The following SORCS2 variants were observed in gnomAD, a reference collection of about 807,000 sequenced individuals.
The protein encoded by SORCS2 is VPS10 domain-containing receptor SorCS2.
Under a neutral mutation model 141.6 loss-of-function variants are expected in SORCS2, and 100 were observed. The ratio of observed to expected loss-of-function variants is 0.71; its 90% CI spans 0.60 to 0.83. The LOEUF is 0.83. Among genes scored for constraint, SORCS2 ranks in the 40% least tolerant of loss-of-function variants. SORCS2 has a pLI of 0.00. For missense variants in SORCS2, 1,646 were observed against 1,560.2 expected (o/e 1.05, Z -0.93); for synonymous variants, 789 against 676.9 (o/e 1.17, Z -2.57).
chr4:7,412,389 A>T (rs2109157806), intron 2 of SORCS2, among the ~76,000 whole-genome samples: 1 of 152,278 alleles, frequency 6.6e-6, no homozygotes, highest in East Asian at 1.9e-4. Context: ...TTCTGAATTT[A>T]GCTTTCTGAC....
At chr4:7,588,210 C>T (rs1377144762) in intron 3 of SORCS2, among the ~76,000 whole-genome samples, 3 of 152,182 alleles carry the variant, frequency 2.0e-5, no homozygotes, top group Non-Finnish European at 2.9e-5. Context: ...GCCGCCAAAC[C>T]GCATTGAGAG....
intron 2 of SORCS2, among the ~76,000 whole-genome samples, chr4:7,472,784 T>TC (rs1730056479): frequency 6.6e-6 from 1 of 152,034 alleles, no homozygotes; most frequent in Admixed American, 6.6e-5. Context: ...TGTAATTGAC[T>TC]CCCCGCTGTG....
chr4:7,665,830 C>T lies in SORCS2; in HGVS notation c.1072-1294C>T, dbSNP rs140184695. Among the ~76,000 whole-genome samples, 181 of 152,326 alleles carry T rather than the reference C, an allele frequency of 1.2e-3. 2 individuals are homozygous for T. Among genetic ancestry groups the T allele is most frequent in the African/African-American group, 3.1e-3 (129 of 41,568 alleles). On this transcript the variant is annotated intron_variant, in intron 7 of 26. Transcript: ENST00000507866. ...TCTCCCATGTTGAGTGGTTTCTAAA[C>T]GTTAGACAGGCTCGCCTGTCAAAGC...
intron 17 of SORCS2, among the ~76,000 whole-genome samples, chr4:7,715,602 G>C (rs1726139699): frequency 1.3e-5 from 2 of 152,230 alleles, no homozygotes; most frequent in African/African-American, 4.8e-5. Context: ...AAGCTGCCTT[G>C]AGTTGGCTCT....
At chr4:7,328,337 G>A (rs949293760) in intron 1 of SORCS2, among the ~76,000 whole-genome samples, 5 of 151,906 alleles carry the variant, frequency 3.3e-5, no homozygotes, top group East Asian at 3.9e-4. Context: ...CACCCGGCCC[G>A]TGCTAGGCTT....
At chr4:7,730,212 A>G (rs922171916) in intron 23 of SORCS2, among the ~76,000 whole-genome samples, 4 of 152,192 alleles carry the variant, frequency 2.6e-5, no homozygotes, top group Admixed American at 1.3e-4. Context: ...AGGGGACTCA[A>G]AGATGAACCA....
In SORCS2 at chr4:7,689,516, T is replaced by G; in HGVS notation, c.1519T>G (p.Trp507Gly). ...CTGCCACCTGCACCTGCACCTGCGC[T>G]GGGCAGACAACCCCTACGTATCAGG... ...PDCHLHLHLR[W>G]ADNPYVSGTV... Residue 507 changes from tryptophan to glycine, a missense_variant, in exon 11 of 27, where the codon TGG (tryptophan) becomes GGG (glycine). Transcript: ENST00000507866. 1 of 1,606,094 alleles carries G rather than the reference T, an allele frequency of 6.2e-7. No individual in the cohort carries two copies. The highest frequency in any genetic ancestry group is 1.3e-5 in the African/African-American group (1 of 74,924).
At chr4:7,430,580 C>G (rs1302665068) in intron 2 of SORCS2, 1 of 152,066 alleles carries the variant, frequency 6.6e-6, no homozygotes, top group Non-Finnish European at 1.5e-5. Flanking sequence ...GGTGCAGGTA[C>G]TTGCTCGGCT....
chr4:7,516,751 G>A (rs1733008913), intron 2 of SORCS2, among the ~76,000 whole-genome samples: 1 of 152,164 alleles, frequency 6.6e-6, no homozygotes, highest in African/African-American at 2.4e-5. Context: ...AACCAGGAAG[G>A]GAGCCTCCCC....
chr4:7,675,682 T>C (rs1229055297), intron 8 of SORCS2, among the ~76,000 whole-genome samples: 2 of 152,132 alleles, frequency 1.3e-5, no homozygotes, highest in African/African-American at 2.4e-5. Context: ...CCTCACCCCC[T>C]GGAATCAACC....
At chr4:7,564,240 C>G (rs1714802808) in intron 3 of SORCS2, among the ~76,000 whole-genome samples, 1 of 152,188 alleles carries the variant, frequency 6.6e-6, no homozygotes. Flanking sequence ...AGTGGACATT[C>G]ATATTCTCTC....
intron 12 of SORCS2, among the ~76,000 whole-genome samples, chr4:7,698,134 T>C (rs1328384529): frequency 1.3e-5 from 2 of 152,220 alleles, no homozygotes; most frequent in Non-Finnish European, 1.5e-5. Context: ...GCTGTTTCTT[T>C]CCAGGGGGCG....
chr4:7,410,743 G>A (rs1725247635), intron 2 of SORCS2, among the ~76,000 whole-genome samples: 1 of 152,064 alleles, frequency 6.6e-6, no homozygotes, highest in Non-Finnish European at 1.5e-5. Flanking sequence ...TGAGAGAGAG[G>A]CCCTGACTGT....
chr4:7,380,893 C>T (rs182353246), intron 1 of SORCS2, among the ~76,000 whole-genome samples: 49 of 152,264 alleles, frequency 3.2e-4, no homozygotes, highest in East Asian at 1.2e-3. Context: ...GCCAGCCTGG[C>T]CAACACGGTG....
At chr4:7,271,819 C>G (rs375960832) in intron 1 of SORCS2, among the ~76,000 whole-genome samples, 55 of 152,294 alleles carry the variant, frequency 3.6e-4, no homozygotes, top group African/African-American at 1.2e-3. Context: ...TGCCGGGGCC[C>G]GAGACAGCAG....
At chr4:7,291,044 A>G (rs1236197362) in intron 1 of SORCS2, among the ~76,000 whole-genome samples, 5 of 152,172 alleles carry the variant, frequency 3.3e-5, no homozygotes, top group African/African-American at 1.2e-4. Flanking sequence ...AGGTGGGGAC[A>G]TCTTAGGGAG....
intron 1 of SORCS2, among the ~76,000 whole-genome samples, chr4:7,258,549 A>G (rs192654449): frequency 1.3e-5 from 2 of 152,306 alleles, no homozygotes; most frequent in African/African-American, 4.8e-5. Context: ...TCTATCACTG[A>G]TGGGCATTTG....
At chr4:7,362,674 C>T (rs1721646395) in intron 1 of SORCS2, among the ~76,000 whole-genome samples, 2 of 151,728 alleles carry the variant, frequency 1.3e-5, no homozygotes. Flanking sequence ...GGCAGTGCTA[C>T]CATGACTGCC....
chr4:7,724,216 G>T (rs963605986), intron 19 of SORCS2, among the ~76,000 whole-genome samples: 1 of 151,132 alleles, frequency 6.6e-6, no homozygotes, highest in African/African-American at 2.4e-5. Flanking sequence ...TACTAATGAT[G>T]ATTATAGTGG....
Sources: allele counts gnomAD v4.1 joint callset (sites outside exome capture counted in the v4.1 genomes callset), GRCh38; gene constraint gnomAD v4.1.1; transcripts MANE v1.5; gene names NCBI Gene and HGNC (gene_info 2026-07-23, HGNC 2026-07-21).